ZNF469: variants seen among roughly 807,000 people sequenced by gnomAD.
ZNF469 encodes zinc finger protein 469.
A neutral mutation model predicts 1.0 loss-of-function variants in ZNF469; 1 was observed. That is an observed-to-expected ratio of 1.00 (90% CI 0.35 to 4.73). The LOEUF is 4.73. Ranked by LOEUF, ZNF469 falls within the 30% of genes most tolerant of loss-of-function variation. The pLI, the probability that ZNF469 is intolerant of heterozygous loss-of-function variation, is 0.16. For missense variants in ZNF469, 6,100 were observed against 5,356.3 expected, an observed-to-expected ratio of 1.14 and a Z score of -4.33; for synonymous variants, 2,703 against 2,363.4, an observed-to-expected ratio of 1.14 and a Z score of -4.17.
chr16:88,338,069 C>T, the ZNF469 span, among the ~76,000 whole-genome samples: 3 of 152,076 alleles, frequency 2.0e-5, no homozygotes, highest in Non-Finnish European at 4.4e-5. Context: ...ACTTGGCCAG[C>T]GGTTCCTAAC....
chr16:88,414,436 G>A (rs554165491), intron 1 of ZNF469, among the ~76,000 whole-genome samples: 5 of 152,362 alleles, frequency 3.3e-5, no homozygotes, highest in South Asian at 4.1e-4. Context: ...CCTGGGGACC[G>A]CAGACTCGAG....
At chr16:88,203,320 C>A in the ZNF469 span, among the ~76,000 whole-genome samples, 1 of 152,144 alleles carries the variant, frequency 6.6e-6, no homozygotes, top group East Asian at 1.9e-4. Flanking sequence ...ACTCATCCGC[C>A]CGCTCTGTGC....
At chr16:88,137,138 G>T in the ZNF469 span, among the ~76,000 whole-genome samples, 5 of 152,058 alleles carry the variant, frequency 3.3e-5, no homozygotes, top group Admixed American at 2.0e-4. Flanking sequence ...ACATACAACC[G>T]TGCATGCAAT....
the ZNF469 span, among the ~76,000 whole-genome samples, chr16:88,247,214 A>C: frequency 6.6e-6 from 1 of 150,760 alleles, no homozygotes; most frequent in Non-Finnish European, 1.5e-5. Flanking sequence ...GAGTGAGGGA[A>C]TAAGTGAGTG....
Position 88,438,206 on chromosome 16 carries a change from A to C in ZNF469, c.10736A>C (p.Glu3579Ala). The change falls in exon 3 of 3, where the codon GAG becomes GCG. Residue 3579 changes from glutamate (E) to alanine (A), a missense_variant. By Grantham distance (107) the Glu-to-Ala change is moderately radical. Coordinates refer to ENST00000565624, the MANE Select transcript of ZNF469 (RefSeq NM_001367624.2). ...CALDGALERP[E>A]NEASPGSPGP... ...CTGGACGGAGCCCTGGAGAGGCCAG[A>C]GAACGAGGCTTCCCCAGGCAGCCCC... 1.9e-6 allele frequency: 3 copies of C among 1,547,090 alleles called. No individual in the cohort carries two copies. The highest frequency in any genetic ancestry group is 2.4e-5 in the South Asian group (2 of 83,976).
the ZNF469 span, among the ~76,000 whole-genome samples, chr16:88,347,519 G>GC: frequency 6.6e-6 from 1 of 152,184 alleles, no homozygotes; most frequent in African/African-American, 2.4e-5. Flanking sequence ...GCAGGAACCA[G>GC]CCCCACCATC....
the ZNF469 span, among the ~76,000 whole-genome samples, chr16:88,263,269 C>T: frequency 6.6e-6 from 1 of 152,190 alleles, no homozygotes; most frequent in Non-Finnish European, 1.5e-5. Flanking sequence ...GGGTAGAAAA[C>T]GAACTAGGGG....
At chr16:88,325,836 G>A in the ZNF469 span, among the ~76,000 whole-genome samples, 2 of 150,920 alleles carry the variant, frequency 1.3e-5, no homozygotes, top group Admixed American at 6.6e-5. Context: ...TTTCTTCCAC[G>A]CATCCCAGAT....
chr16:88,239,666 TGTATATATATA>T, the ZNF469 span, among the ~76,000 whole-genome samples: 16 of 40,596 alleles, frequency 3.9e-4, 1 homozygote, highest in East Asian at 1.2e-3. Context: ...TTTTTTTTTT[TGTATATATATA>T]TATATATATA....
the ZNF469 span, among the ~76,000 whole-genome samples, chr16:88,323,488 G>A: frequency 9.9e-5 from 15 of 152,222 alleles, no homozygotes; most frequent in Non-Finnish European, 1.9e-4. Flanking sequence ...AAAGGCCCCA[G>A]GACAGGCCCT....
At chr16:88,102,088 C>T in the ZNF469 span, among the ~76,000 whole-genome samples, 27 of 134,472 alleles carry the variant, frequency 2.0e-4, no homozygotes, top group South Asian at 1.1e-3. Context: ...AGTGTCCTTA[C>T]GCTTTGTGCA....
chr16:88,349,233 C>T, the ZNF469 span, among the ~76,000 whole-genome samples: 20 of 152,150 alleles, frequency 1.3e-4, no homozygotes, highest in Non-Finnish European at 2.1e-4. Context: ...GAGAGACAGA[C>T]GGAGGCTTCA....
At chr16:88,135,753 T>TATTC in the ZNF469 span, among the ~76,000 whole-genome samples, 5 of 29,698 alleles carry the variant, frequency 1.7e-4, 2 homozygotes, top group South Asian at 3.0e-3. Context: ...GCCATGTTTT[T>TATTC]TTTTTTTTTT....
the ZNF469 span, among the ~76,000 whole-genome samples, chr16:88,320,683 C>G: frequency 7.9e-5 from 12 of 152,220 alleles, no homozygotes; most frequent in Admixed American, 1.3e-4. Context: ...CATGCCCAGC[C>G]TGACCATGAG....
At chr16:88,184,027 C>T in the ZNF469 span, among the ~76,000 whole-genome samples, 5 of 152,002 alleles carry the variant, frequency 3.3e-5, no homozygotes, top group Middle Eastern at 3.4e-3. Context: ...CGCAGAGGTG[C>T]CGGAGTCTCC....
the ZNF469 span, among the ~76,000 whole-genome samples, chr16:88,295,722 C>T: frequency 3.3e-5 from 5 of 152,182 alleles, no homozygotes; most frequent in African/African-American, 9.7e-5. Flanking sequence ...CAGGACCAAG[C>T]TGTTCACCCA....
At chr16:88,180,637 G>A in the ZNF469 span, among the ~76,000 whole-genome samples, 1 of 152,118 alleles carries the variant, frequency 6.6e-6, no homozygotes, top group African/African-American at 2.4e-5. Flanking sequence ...AGCCGGGCGT[G>A]GTAGTGGGTG....
chr16:88,436,290 G>C lies in ZNF469; in HGVS notation c.8820G>C (p.Leu2940=). The C allele has an allele frequency of 6.5e-7, 1 of 1,549,964 alleles. No individual in the cohort carries two copies. The highest frequency in any genetic ancestry group is 2.4e-5 in the East Asian group (1 of 40,902). ...CAGGTCTGCCCGAGTCCTTCCTCCT[G>C]GATGGGTTCCTCAATAGCAGGGTGC... The part of the protein sequence containing the change: ...DPAGLPESFL[L]DGFLNSRVPG... The change falls in exon 3 of 3, where the codon CTG becomes CTC. Residue 2940 remains leucine (L), a synonymous_variant. Transcript: ENST00000565624.
At chr16:88,375,087 C>T in the ZNF469 span, among the ~76,000 whole-genome samples, 5 of 152,332 alleles carry the variant, frequency 3.3e-5, no homozygotes, top group Non-Finnish European at 5.9e-5. Flanking sequence ...CTGCAGCAGG[C>T]GCAGGGCAGG....
Sources: gnomAD v4.1 joint callset for allele counts (sites outside exome capture counted in the v4.1 genomes callset) on GRCh38, gnomAD v4.1.1 for gene constraint, MANE v1.5 for transcripts, NCBI Gene and HGNC (gene_info 2026-07-23, HGNC 2026-07-21) for gene names.